FHIT: variants seen among roughly 807,000 people sequenced by gnomAD.
FHIT encodes bis(5'-adenosyl)-triphosphatase.
A neutral mutation model predicts 17.9 loss-of-function variants in FHIT; 19 were observed. The ratio of observed to expected loss-of-function variants is 1.06; its 90% CI spans 0.74 to 1.56. The LOEUF (loss-of-function observed/expected upper bound fraction) is 1.56. Among genes scored for constraint, FHIT ranks in the 40% most tolerant of loss-of-function variants. The pLI is 0.00. For synonymous variants in FHIT, 81 were observed against 69.7 expected (o/e 1.16, Z -0.81); for missense variants, 248 against 189.2 (o/e 1.31, Z -1.82).
chr3:60,446,901 A>AT (rs56053122), intron 5 of FHIT, among the ~76,000 whole-genome samples: 3 of 146,024 alleles, frequency 2.1e-5, no homozygotes, highest in Non-Finnish European at 3.0e-5. Flanking sequence ...AATAATAATA[A>AT]AAAGCCTTCA....
At chr3:59,987,220 T>G (rs1051042577) in intron 7 of FHIT, among the ~76,000 whole-genome samples, 1 of 150,034 alleles carries the variant, frequency 6.7e-6, no homozygotes, top group Non-Finnish European at 1.5e-5. Flanking sequence ...ATTTATTTAT[T>G]TAGGACTGCT....
At position 60,384,708 on chromosome 3, in the gene FHIT, AAAC is replaced by A. The variant is rs111660638; in HGVS notation, c.103+152149_103+152151del. Among the ~76,000 whole-genome samples, 40 of 151,614 alleles carry A rather than the reference AAAC, an allele frequency of 2.6e-4. No homozygotes were observed. The East Asian group carries it at 6.3e-3, about 24-fold the overall frequency. On this transcript the variant is annotated intron_variant, in intron 5 of 9. Coordinates refer to ENST00000492590, the MANE Select transcript of FHIT (RefSeq NM_002012.4). ...TACAGAAAATCATTACAAAATCTTAAAACAACAACAACAACAACAAAAACCCAG... is the reference window on the plus strand; with the variant it reads ...TACAGAAAATCATTACAAAATCTTAAAACAACAACAACAACAAAAACCCAG...
intron 7 of FHIT, among the ~76,000 whole-genome samples, chr3:59,960,814 A>T (rs1052611226): frequency 6.6e-6 from 1 of 152,170 alleles, no homozygotes; most frequent in African/African-American, 2.4e-5. Flanking sequence ...TATCTGTTTT[A>T]TACTATGTAT....
At chr3:61,143,717 T>G (rs1226590531) in intron 2 of FHIT, among the ~76,000 whole-genome samples, 1 of 152,044 alleles carries the variant, frequency 6.6e-6, no homozygotes, top group East Asian at 1.9e-4. Flanking sequence ...AATACAAAAA[T>G]TAGCCGGGCA....
chr3:60,167,905 G>T (rs141826129), intron 5 of FHIT, among the ~76,000 whole-genome samples: 1 of 152,030 alleles, frequency 6.6e-6, no homozygotes, highest in Non-Finnish European at 1.5e-5. Flanking sequence ...AGTGGTATGC[G>T]CCTGTAGTCC....
At chr3:60,914,022 C>T (rs1706875186) in intron 3 of FHIT, among the ~76,000 whole-genome samples, 1 of 152,160 alleles carries the variant, frequency 6.6e-6, no homozygotes, top group Admixed American at 6.6e-5. Context: ...AGAAAAAAGA[C>T]TTTATTTCTT....
At chr3:60,670,623 G>C (rs1020960249) in intron 4 of FHIT, among the ~76,000 whole-genome samples, 1 of 152,158 alleles carries the variant, frequency 6.6e-6, no homozygotes, top group Non-Finnish European at 1.5e-5. Context: ...GCTATCAAAG[G>C]CTTGGCACTT....
intron 5 of FHIT, among the ~76,000 whole-genome samples, chr3:60,237,347 C>G (rs1704857763): frequency 7.1e-6 from 1 of 140,736 alleles, no homozygotes; most frequent in South Asian, 2.4e-4. Flanking sequence ...CCCATATTTA[C>G]ACCTACCATG....
chr3:59,999,694 G>A (rs13062945), intron 7 of FHIT, among the ~76,000 whole-genome samples: 91,821 of 151,836 alleles, frequency 0.6, 28,219 homozygotes, highest in Non-Finnish European at 0.66. Flanking sequence ...ACCCTCTGCC[G>A]CCTCCCAGGT....
chr3:60,699,689 T>A (rs202154344), intron 4 of FHIT, among the ~76,000 whole-genome samples: 160 of 140,420 alleles, frequency 1.1e-3, no homozygotes, highest in Non-Finnish European at 1.5e-3. Flanking sequence ...TAGAGTATAA[T>A]AAAAAAAAAT....
intron 8 of FHIT, among the ~76,000 whole-genome samples, chr3:59,856,732 C>T (rs912790855): frequency 6.6e-6 from 1 of 151,876 alleles, no homozygotes; most frequent in Non-Finnish European, 1.5e-5. Context: ...TGCAAAATGG[C>T]TTTTTATAAT....
intron 3 of FHIT, chr3:60,856,623 G>C (rs1703397928): frequency 6.6e-6 from 1 of 152,060 alleles, no homozygotes; most frequent in African/African-American, 2.4e-5. Context: ...ATCTTTTAAA[G>C]ATCCAAATAT....
intron 7 of FHIT, among the ~76,000 whole-genome samples, chr3:59,923,323 C>T (rs538664545): frequency 2.6e-5 from 4 of 151,434 alleles, no homozygotes; most frequent in East Asian, 3.9e-4. Context: ...GAGGACAGGG[C>T]GCCACAGGAA....
intron 1 of FHIT, among the ~76,000 whole-genome samples, chr3:61,208,549 A>G (rs2039335446): frequency 1.3e-5 from 2 of 152,058 alleles, no homozygotes; most frequent in Non-Finnish European, 2.9e-5. Context: ...CATTGAATTG[A>G]TCCCTTTACC....
Position 59,987,341 on chromosome 3 carries a change from G to C in FHIT, c.279+24030C>G, listed in dbSNP as rs981520016. On this transcript the variant is annotated intron_variant, in intron 7 of 9. Transcript: ENST00000492590. ...TGGCTGTGAACACGGTTAGAAATTA[G>C]AGCCAAGGATGATCTATTAGTTCAT... 2.0e-5 allele frequency among the ~76,000 whole-genome samples: 3 copies of C among 151,678 alleles called. No individual in the cohort carries two copies. The East Asian group carries it at 5.8e-4, about 29-fold the overall frequency.
chr3:60,232,672 C>T (rs746759811), intron 5 of FHIT, among the ~76,000 whole-genome samples: 7 of 152,126 alleles, frequency 4.6e-5, no homozygotes, highest in Non-Finnish European at 7.4e-5. Context: ...AGGCATATCC[C>T]AAAGCTAAAA....
At chr3:60,820,664 C>T (rs1421306634) in intron 4 of FHIT, among the ~76,000 whole-genome samples, 2 of 152,030 alleles carry the variant, frequency 1.3e-5, no homozygotes, top group East Asian at 3.9e-4. Context: ...GAAGGCAGCA[C>T]GAAGGATAAG....
At chr3:59,895,715 G>T (rs1704039993) in intron 8 of FHIT, among the ~76,000 whole-genome samples, 1 of 152,180 alleles carries the variant, frequency 6.6e-6, no homozygotes, top group Non-Finnish European at 1.5e-5. Flanking sequence ...CTTTGCTTTT[G>T]CTCTTGACCT....
chr3:61,058,363 C>T (rs1209057925), intron 2 of FHIT, among the ~76,000 whole-genome samples: 1 of 152,244 alleles, frequency 6.6e-6, no homozygotes, highest in South Asian at 2.1e-4. Context: ...TAACATCATT[C>T]TCATTCATTC....
Sources: gnomAD v4.1 joint callset for allele counts (sites outside exome capture counted in the v4.1 genomes callset) on GRCh38, gnomAD v4.1.1 for gene constraint, MANE v1.5 for transcripts, NCBI Gene and HGNC (gene_info 2026-07-23, HGNC 2026-07-21) for gene names.